LRMDA: variants seen among roughly 807,000 people sequenced by gnomAD.
LRMDA encodes leucine-rich melanocyte differentiation-associated protein.
Under a neutral mutation model 29.8 loss-of-function variants are expected in LRMDA, and 18 were observed. That is an observed-to-expected ratio of 0.60 (90% confidence interval 0.42 to 0.90). The LOEUF is 0.90. LRMDA is among the 40% of genes least tolerant of loss of function. The pLI, the probability that LRMDA is intolerant of heterozygous loss-of-function variation, is 0.00. For synonymous variants in LRMDA, 125 were observed against 109.4 expected, an observed-to-expected ratio of 1.14 and a Z score of -0.89; for missense variants, 273 against 273.9, an observed-to-expected ratio of 1.00 and a Z score of 0.02.
chr10:75,964,334 G>A (rs1004447059), intron 2 of LRMDA, among the ~76,000 whole-genome samples: 2 of 149,362 alleles, frequency 1.3e-5, no homozygotes, highest in Admixed American at 6.6e-5. Context: ...GAGACAGATT[G>A]GGGGGTCAAG....
intron 2 of LRMDA, among the ~76,000 whole-genome samples, chr10:75,669,294 C>G (rs911180552): frequency 1.3e-5 from 2 of 152,072 alleles, no homozygotes; most frequent in Non-Finnish European, 2.9e-5. Flanking sequence ...AAGGATAGAC[C>G]ATTTTTTCCC....
chr10:76,017,886 T>C lies in LRMDA; in HGVS notation c.132-18122T>C, dbSNP rs146226081. On this transcript the variant is annotated intron_variant, in intron 2 of 6. Transcript: ENST00000611255. ...AGCTGAAGCTTCAACCTGCTTGATA[T>C]GTTTGCTGTCACTTTCTTTTCTAGT... Among the ~76,000 whole-genome samples, 18 of 152,304 alleles carry C rather than the reference T, an allele frequency of 1.2e-4. No homozygotes were observed. The East Asian group carries it at 2.3e-3, about 20-fold the overall frequency.
In LRMDA at chr10:75,802,365, A is replaced by G. The variant is rs1046483499; in HGVS notation, c.132-233643A>G. 2.0e-5 allele frequency among the ~76,000 whole-genome samples: 3 copies of G among 150,854 alleles called. No individual in the cohort carries two copies. The East Asian group carries it at 6.1e-4, about 31-fold the overall frequency. On this transcript the variant is annotated intron_variant, in intron 2 of 6. Coordinates refer to ENST00000611255, the MANE Select transcript of LRMDA (RefSeq NM_001305581.2). ...CACACACACACACACACACACACACACAATAGGGAAGGAAACTTGATTAAG... is the reference window on the plus strand; with the variant it reads ...CACACACACACACACACACACACACGCAATAGGGAAGGAAACTTGATTAAG...
chr10:76,544,943 T>C (rs753100220), intron 6 of LRMDA, among the ~76,000 whole-genome samples: 4 of 152,162 alleles, frequency 2.6e-5, no homozygotes, highest in Non-Finnish European at 5.9e-5. Context: ...ATTCCCTTTG[T>C]TTTCTTTTCA....
intron 2 of LRMDA, among the ~76,000 whole-genome samples, chr10:75,807,005 G>T (rs1843866527): frequency 1.3e-5 from 2 of 152,108 alleles, no homozygotes; most frequent in South Asian, 2.1e-4. Context: ...AATTGCTCTG[G>T]TTACGTTGAT....
chr10:76,556,344 T>C (rs1457355769), intron 6 of LRMDA: 2 of 152,078 alleles, frequency 1.3e-5, no homozygotes, highest in Non-Finnish European at 2.9e-5. Flanking sequence ...TGGTGTTTTT[T>C]TTTGTTTTTG....
At chr10:75,474,531 A>G (rs1381810324) in intron 2 of LRMDA, among the ~76,000 whole-genome samples, 1 of 152,208 alleles carries the variant, frequency 6.6e-6, no homozygotes, top group African/African-American at 2.4e-5. Flanking sequence ...TGATACCATC[A>G]TCTCGAGGGT....
intron 2 of LRMDA, among the ~76,000 whole-genome samples, chr10:75,960,683 G>T (rs572844960): frequency 1.3e-5 from 2 of 152,098 alleles, no homozygotes; most frequent in South Asian, 2.1e-4. Context: ...GCATGATCTC[G>T]GCTCACTGCA....
chr10:76,380,911 A>G (rs978590939), intron 6 of LRMDA, among the ~76,000 whole-genome samples: 3 of 151,740 alleles, frequency 2.0e-5, no homozygotes, highest in African/African-American at 7.2e-5. Context: ...AAAGGTAAAT[A>G]CTATAGAATA....
Position 75,924,041 on chromosome 10 carries a change from T to C in LRMDA, c.132-111967T>C, listed in dbSNP as rs113511276. Among the ~76,000 whole-genome samples the C allele has an allele frequency of 2.3e-3, 357 of 152,366 alleles. 2 individuals are homozygous for C. The highest frequency in any genetic ancestry group is 8.1e-3 in the African/African-American group (338 of 41,586). On this transcript the variant is annotated intron_variant, in intron 2 of 6. Coordinates refer to ENST00000611255, the MANE Select transcript of LRMDA (RefSeq NM_001305581.2). The stretch of plus-strand genomic sequence containing the variant: ...CACAGAGATATTCCTTTTGCTCTCA[T>C]TGTCGTTAGTTGGCACGCTGACATT...
At chr10:75,663,950 T>C (rs887960387) in intron 2 of LRMDA, among the ~76,000 whole-genome samples, 3 of 152,176 alleles carry the variant, frequency 2.0e-5, no homozygotes, top group Non-Finnish European at 4.4e-5. Context: ...CAGGGGCCCA[T>C]GTGTGTCTTT....
intron 6 of LRMDA, among the ~76,000 whole-genome samples, chr10:76,375,764 G>A (rs1841509891): frequency 6.6e-6 from 1 of 150,412 alleles, no homozygotes. Context: ...ATTTGACTTG[G>A]TGGAGTCATA....
At chr10:76,352,886 C>T (rs543840829) in intron 6 of LRMDA, among the ~76,000 whole-genome samples, 7 of 152,004 alleles carry the variant, frequency 4.6e-5, no homozygotes, top group East Asian at 1.9e-4. Flanking sequence ...ACATGCCACT[C>T]GGTACCCTTG....
intron 5 of LRMDA, among the ~76,000 whole-genome samples, chr10:76,165,812 C>G (rs931471289): frequency 6.6e-6 from 1 of 152,152 alleles, no homozygotes; most frequent in Non-Finnish European, 1.5e-5. Context: ...ACCAAGTCCC[C>G]CCCACAACAC....
intron 2 of LRMDA, among the ~76,000 whole-genome samples, chr10:75,881,172 C>T (rs1845287656): frequency 6.6e-6 from 1 of 152,146 alleles, no homozygotes. Context: ...GATACACATA[C>T]ATACATATTT....
At chr10:75,575,268 C>T (rs1271471273) in intron 2 of LRMDA, among the ~76,000 whole-genome samples, 2 of 152,146 alleles carry the variant, frequency 1.3e-5, no homozygotes, top group Non-Finnish European at 2.9e-5. Context: ...GCCCCTGGCC[C>T]CTTCAAAATC....
At chr10:75,488,905 G>C (rs1564784125) in intron 2 of LRMDA, among the ~76,000 whole-genome samples, 1 of 152,124 alleles carries the variant, frequency 6.6e-6, no homozygotes, top group Non-Finnish European at 1.5e-5. Context: ...TTAACCCTCA[G>C]CATACAGTTT....
At chr10:76,541,320 C>T (rs923897478) in intron 6 of LRMDA, among the ~76,000 whole-genome samples, 2 of 152,034 alleles carry the variant, frequency 1.3e-5, no homozygotes, top group Non-Finnish European at 2.9e-5. Flanking sequence ...AGCCAACATG[C>T]CAAAACCTCA....
chr10:75,533,151 G>C (rs1223457735), intron 2 of LRMDA, among the ~76,000 whole-genome samples: 1 of 152,214 alleles, frequency 6.6e-6, no homozygotes, highest in Non-Finnish European at 1.5e-5. Flanking sequence ...GTCACCTGCA[G>C]AGCTGTAGAA....
Sources: gnomAD v4.1 joint callset for allele counts (sites outside exome capture counted in the v4.1 genomes callset) on GRCh38, gnomAD v4.1.1 for gene constraint, MANE v1.5 for transcripts, NCBI Gene and HGNC (gene_info 2026-07-23, HGNC 2026-07-21) for gene names.